The following PIBF1 variants were observed in gnomAD, a reference collection of about 807,000 sequenced individuals.
The protein encoded by PIBF1 is progesterone immunomodulatory binding factor 1, also known as progesterone-induced-blocking factor 1.
PIBF1 carries 90 observed loss-of-function variants against 112.5 expected under a neutral mutation model. That is an observed-to-expected ratio of 0.80 (90% CI 0.67 to 0.95). PIBF1 has a LOEUF of 0.95. Among genes scored for constraint, PIBF1 ranks in the 40% least tolerant of loss-of-function variants. PIBF1 has a pLI of 0.00. For missense variants in PIBF1, 915 were observed against 852.3 expected (o/e 1.07, Z -0.92); for synonymous variants, 301 against 288.6 (o/e 1.04, Z -0.44).
At chr13:72,784,724 C>T (rs945279867) in intron 2 of PIBF1, among the ~76,000 whole-genome samples, 35 of 152,000 alleles carry the variant, frequency 2.3e-4, no homozygotes, top group African/African-American at 8.0e-4. Flanking sequence ...TACCACTGCA[C>T]TCCAGCCTGG....
At chr13:72,915,721 C>G (rs531714884) in intron 12 of PIBF1, among the ~76,000 whole-genome samples, 22 of 152,210 alleles carry the variant, frequency 1.4e-4, no homozygotes, top group African/African-American at 5.3e-4. Context: ...TTCCATGTGT[C>G]TCTCTCAACT....
chr13:72,815,857 CA>C (rs1273893390), intron 5 of PIBF1, among the ~76,000 whole-genome samples: 1 of 152,128 alleles, frequency 6.6e-6, no homozygotes, highest in Non-Finnish European at 1.5e-5. Context: ...CTCAATTATT[CA>C]AAAGGCATGA....
At chr13:72,963,950 C>G (rs988276679) in intron 14 of PIBF1, among the ~76,000 whole-genome samples, 1 of 152,110 alleles carries the variant, frequency 6.6e-6, no homozygotes, top group Non-Finnish European at 1.5e-5. Flanking sequence ...ATAGAATTAC[C>G]ATATGACCTA....
At chr13:72,959,018 A>G (rs1248410011) in intron 14 of PIBF1, among the ~76,000 whole-genome samples, 2 of 152,078 alleles carry the variant, frequency 1.3e-5, no homozygotes, top group African/African-American at 4.8e-5. Flanking sequence ...GGGTTTTTTG[A>G]GACAGAGTCT....
intron 1 of PIBF1, among the ~76,000 whole-genome samples, chr13:72,782,875 CGT>C (rs34618038): frequency 0.42 from 61,628 of 147,118 alleles, 12,744 homozygotes; most frequent in South Asian, 0.51. Context: ...TCGTTAAGGG[CGT>C]GTGTGTGTGT....
intron 16 of PIBF1, among the ~76,000 whole-genome samples, chr13:72,978,282 A>G (rs1029241215): frequency 1.3e-5 from 2 of 152,194 alleles, no homozygotes; most frequent in African/African-American, 2.4e-5. Flanking sequence ...CATCCACATA[A>G]ATGACATAAT....
intron 10 of PIBF1, among the ~76,000 whole-genome samples, chr13:72,869,514 C>T (rs2039069050): frequency 6.6e-6 from 1 of 150,940 alleles, no homozygotes; most frequent in South Asian, 2.1e-4. Context: ...ATACGTAATG[C>T]TAAATGACGA....
chr13:72,886,139 C>T (rs1216557871), intron 10 of PIBF1, among the ~76,000 whole-genome samples: 2 of 152,066 alleles, frequency 1.3e-5, no homozygotes, highest in Admixed American at 6.6e-5. Context: ...TAGCCTCCAT[C>T]GTGCTACTAT....
At chr13:72,816,884 T>A (rs1303525024) in intron 5 of PIBF1, among the ~76,000 whole-genome samples, 1 of 152,146 alleles carries the variant, frequency 6.6e-6, no homozygotes, top group Non-Finnish European at 1.5e-5. Flanking sequence ...ATCTTAACAA[T>A]GACAAGAGTT....
At chr13:72,957,322 T>C (rs934265842) in intron 14 of PIBF1, among the ~76,000 whole-genome samples, 1 of 152,156 alleles carries the variant, frequency 6.6e-6, no homozygotes, top group Non-Finnish European at 1.5e-5. Context: ...TACCATGGAA[T>C]ATTACTCAGC....
chr13:72,835,477 G>C, intron 9 of PIBF1, 109 bp downstream of exon 9: 1 of 782,124 alleles, frequency 1.3e-6, no homozygotes, highest in South Asian at 2.8e-5. Flanking sequence ...TAATACATTA[G>C]AGAAAACTTG....
chr13:72,930,459 A>G (rs2041663460), intron 13 of PIBF1, among the ~76,000 whole-genome samples: 1 of 152,168 alleles, frequency 6.6e-6, no homozygotes, highest in Non-Finnish European at 1.5e-5. Context: ...AAAGAAATAT[A>G]CCACTTCCTC....
intron 8 of PIBF1, among the ~76,000 whole-genome samples, chr13:72,832,565 CT>C (rs1370381650): frequency 1.3e-5 from 2 of 152,130 alleles, no homozygotes; most frequent in Admixed American, 6.5e-5. Context: ...GTTGAAAATT[CT>C]TTTCTTTAAG....
At chr13:72,988,263 C>T (rs2043369420) in intron 16 of PIBF1, among the ~76,000 whole-genome samples, 1 of 152,070 alleles carries the variant, frequency 6.6e-6, no homozygotes, top group South Asian at 2.1e-4. Context: ...AGATACTCAG[C>T]ACAAAGCCTG....
intron 8 of PIBF1, among the ~76,000 whole-genome samples, chr13:72,829,927 C>T (rs2138175075): frequency 6.6e-6 from 1 of 152,244 alleles, no homozygotes; most frequent in Middle Eastern, 3.4e-3. Context: ...AATGTTTTTC[C>T]ATTTGTTTAT....
chr13:73,001,730 T>C (rs1474117071), intron 17 of PIBF1, among the ~76,000 whole-genome samples: 3 of 151,718 alleles, frequency 2.0e-5, no homozygotes, highest in Non-Finnish European at 2.9e-5. Flanking sequence ...TTCAAGTGAT[T>C]CTCCTGCCTC....
intron 13 of PIBF1, among the ~76,000 whole-genome samples, chr13:72,917,970 C>T (rs2138698540): frequency 6.6e-6 from 1 of 152,324 alleles, no homozygotes; most frequent in Non-Finnish European, 1.5e-5. Flanking sequence ...AGAATGTACA[C>T]TGGAACCATG....
At chr13:73,007,753 G>A (rs2044081135) in intron 17 of PIBF1, among the ~76,000 whole-genome samples, 1 of 150,214 alleles carries the variant, frequency 6.7e-6, no homozygotes, top group Admixed American at 6.6e-5. Context: ...AGGTTGCAGT[G>A]AGACAAGATC....
rs8000856 is a variant in PIBF1 at position 72,911,459 on chromosome 13, C to T, written c.1639+2778C>T. Among the ~76,000 whole-genome samples the T allele has an allele frequency of 1.3e-3, 198 of 152,210 alleles. 1 individual carries two copies. Among genetic ancestry groups the T allele is most frequent in the African/African-American group, 4.6e-3 (192 of 41,534 alleles). On this transcript the variant is annotated intron_variant, in intron 12 of 17. Transcript: ENST00000326291. ...ATCTTTATGGAAGTAAACTTCCATACACCAATATTAATCTGAGACGATACC... is the reference window on the plus strand; with the variant it reads ...ATCTTTATGGAAGTAAACTTCCATATACCAATATTAATCTGAGACGATACC...
Sources: allele counts gnomAD v4.1 joint callset (sites outside exome capture counted in the v4.1 genomes callset), GRCh38; gene constraint gnomAD v4.1.1; transcripts MANE v1.5; gene names NCBI Gene and HGNC (gene_info 2026-07-23, HGNC 2026-07-21).